MPP7: variants seen among roughly 807,000 people sequenced by gnomAD.
MPP7 encodes MAGUK p55 subfamily member 7.
A neutral mutation model predicts 76.5 loss-of-function variants in MPP7; 60 were observed. The observed-to-expected ratio is 0.78, with a 90% CI of 0.64 to 0.97. The LOEUF (loss-of-function observed/expected upper bound fraction) is 0.97, where lower values mean the gene tolerates loss of function less well. Among genes scored for constraint, MPP7 ranks in the 50% least tolerant of loss-of-function variants. The probability of loss-of-function intolerance (pLI) is 0.00; values close to 1 mark genes in which losing one functional copy is unlikely to be tolerated. For synonymous variants in MPP7, 237 were observed against 244.5 expected, an observed-to-expected ratio of 0.97 and a Z score of 0.29; for missense variants, 641 against 694.0, an observed-to-expected ratio of 0.92 and a Z score of 0.86.
At chr10:28,140,783 A>G (rs1353959479) in intron 5 of MPP7, among the ~76,000 whole-genome samples, 1 of 152,192 alleles carries the variant, frequency 6.6e-6, no homozygotes, top group Non-Finnish European at 1.5e-5. Context: ...GATTAAATCA[A>G]TAACTACAGA....
intron 3 of MPP7, among the ~76,000 whole-genome samples, chr10:28,194,490 T>C (rs544303607): frequency 1.4e-4 from 22 of 152,312 alleles, no homozygotes; most frequent in African/African-American, 5.1e-4. Flanking sequence ...AAAAGGTTAA[T>C]GGAGAAACAA....
chr10:28,239,335 G>A (rs961874170), intron 1 of MPP7, among the ~76,000 whole-genome samples: 2 of 151,164 alleles, frequency 1.3e-5, no homozygotes, highest in African/African-American at 2.4e-5. Context: ...TAATAGAGAC[G>A]GGGGTTTCAC....
intron 3 of MPP7, among the ~76,000 whole-genome samples, chr10:28,201,389 C>T (rs1388567427): frequency 6.6e-6 from 1 of 152,134 alleles, no homozygotes; most frequent in Non-Finnish European, 1.5e-5. Flanking sequence ...ATCATTGAGG[C>T]ACTGGTTTCT....
chr10:28,326,268 C>G (rs1202454172), intron 2 of MPP7, among the ~76,000 whole-genome samples: 1 of 152,106 alleles, frequency 6.6e-6, no homozygotes, highest in East Asian at 1.9e-4. Flanking sequence ...CACCAAAAGA[C>G]CTTTAGGAAA....
chr10:28,095,836 G>A (rs937819689), intron 11 of MPP7, among the ~76,000 whole-genome samples: 2 of 152,158 alleles, frequency 1.3e-5, no homozygotes, highest in African/African-American at 4.8e-5. Context: ...TACATTTCAT[G>A]TTTTTGCAAT....
chr10:28,260,408 C>T (rs185137833), intron 1 of MPP7, among the ~76,000 whole-genome samples: 2 of 152,202 alleles, frequency 1.3e-5, no homozygotes, highest in East Asian at 3.9e-4. Context: ...TTCCTTCAAT[C>T]ACTTGTCAAG....
chr10:28,062,245 A>T (rs922389385), intron 13 of MPP7, among the ~76,000 whole-genome samples: 1 of 152,172 alleles, frequency 6.6e-6, no homozygotes, highest in Admixed American at 6.5e-5. Context: ...AAGGGTCTTA[A>T]ATGGCTGCCA....
chr10:28,151,661 C>T (rs1311864552), intron 3 of MPP7, among the ~76,000 whole-genome samples: 1 of 152,180 alleles, frequency 6.6e-6, no homozygotes, highest in Admixed American at 6.5e-5. Flanking sequence ...TTGAATTCCT[C>T]AATTCTCACA....
At chr10:28,077,977 C>A (rs566360430) in intron 12 of MPP7, among the ~76,000 whole-genome samples, 11 of 152,278 alleles carry the variant, frequency 7.2e-5, no homozygotes, top group African/African-American at 2.6e-4. Flanking sequence ...GTATCATTAT[C>A]CTCATTTTAC....
intron 2 of MPP7, among the ~76,000 whole-genome samples, chr10:28,218,252 T>G (rs1838379906): frequency 6.6e-6 from 1 of 151,836 alleles, no homozygotes; most frequent in Non-Finnish European, 1.5e-5. Context: ...AGGGCAGCGG[T>G]GGTAGAGAGG....
At chr10:28,067,463 G>T (rs1287727074) in intron 13 of MPP7, among the ~76,000 whole-genome samples, 1 of 152,162 alleles carries the variant, frequency 6.6e-6, no homozygotes, top group Admixed American at 6.5e-5. Context: ...AGAACTCCAT[G>T]AGAATCTTAT....
intron 1 of MPP7, among the ~76,000 whole-genome samples, chr10:28,265,271 C>T (rs1200925536): frequency 6.6e-6 from 1 of 152,178 alleles, no homozygotes; most frequent in East Asian, 1.9e-4. Context: ...TATCAAAATG[C>T]ATTTACGCTG....
At chr10:28,107,170 T>C (rs1385435375) in intron 11 of MPP7, among the ~76,000 whole-genome samples, 1 of 152,138 alleles carries the variant, frequency 6.6e-6, no homozygotes, top group Non-Finnish European at 1.5e-5. Flanking sequence ...AACTTAAATA[T>C]GTCCAGTGCT....
Position 28,264,614 on chromosome 10 carries a change from A to G in MPP7, c.-131-25879T>C, listed in dbSNP as rs115667720. ...AAATAAAATATAATCTCAAACGATC[A>G]AAGAAAAAGACAGAAAGTCTGACTG... On this transcript the variant is annotated intron_variant, in intron 1 of 16. Transcript: ENST00000683449. Among the ~76,000 whole-genome samples the G allele has an allele frequency of 5.3e-3, 800 of 151,944 alleles. 10 individuals carry two copies. The highest frequency in any genetic ancestry group is 0.019 in the African/African-American group (783 of 41,388).
intron 3 of MPP7, among the ~76,000 whole-genome samples, chr10:28,190,653 C>T (rs1837383415): frequency 6.6e-6 from 1 of 152,028 alleles, no homozygotes; most frequent in Admixed American, 6.6e-5. Flanking sequence ...TTGTGAGATG[C>T]TGCAAAAGCA....
intron 2 of MPP7, among the ~76,000 whole-genome samples, chr10:28,223,216 G>A (rs1838578197): frequency 6.6e-6 from 1 of 151,964 alleles, no homozygotes; most frequent in African/African-American, 2.4e-5. Flanking sequence ...TTAAATTTAA[G>A]AGTCACTTGT....
intron 14 of MPP7, 149 bp downstream of exon 14, chr10:28,059,501 C>T (rs1042582291): frequency 3.7e-6 from 2 of 543,834 alleles, no homozygotes; most frequent in African/African-American, 2.0e-5. Context: ...CAATAATTAC[C>T]AACCAAATTA....
At chr10:28,174,185 C>G (rs1010296340) in intron 3 of MPP7, among the ~76,000 whole-genome samples, 51 of 152,074 alleles carry the variant, frequency 3.4e-4, no homozygotes, top group African/African-American at 1.2e-3. Flanking sequence ...CTGTCATACA[C>G]TGATCGTGGC....
At chr10:28,284,146 C>T (rs1332029980) in intron 1 of MPP7, among the ~76,000 whole-genome samples, 1 of 151,870 alleles carries the variant, frequency 6.6e-6, no homozygotes, top group Non-Finnish European at 1.5e-5. Flanking sequence ...GGTATGAACA[C>T]CAATGATTAA....
Sources: gnomAD v4.1 joint callset for allele counts (sites outside exome capture counted in the v4.1 genomes callset) on GRCh38, gnomAD v4.1.1 for gene constraint, MANE v1.5 for transcripts, NCBI Gene and HGNC (gene_info 2026-07-23, HGNC 2026-07-21) for gene names.